CFAP299: variants seen among roughly 807,000 people sequenced by gnomAD.
CFAP299 encodes the protein cilia- and flagella-associated protein 299.
Under a neutral mutation model 27.0 loss-of-function variants are expected in CFAP299, and 21 were observed. The ratio of observed to expected loss-of-function variants is 0.78; its 90% CI spans 0.55 to 1.12. The LOEUF is 1.12. Among genes scored for constraint, CFAP299 ranks in the 50% most tolerant of loss-of-function variants. CFAP299 has a pLI of 0.00. For synonymous variants in CFAP299, 104 were observed against 98.1 expected (o/e 1.06, Z -0.36); for missense variants, 310 against 276.6 (o/e 1.12, Z -0.86).
chr4:80,483,458 T>C (rs1374431678), intron 2 of CFAP299, among the ~76,000 whole-genome samples: 1 of 152,220 alleles, frequency 6.6e-6, no homozygotes, highest in Non-Finnish European at 1.5e-5. Flanking sequence ...CATTGGATTA[T>C]GATTAAAATA....
intron 4 of CFAP299, among the ~76,000 whole-genome samples, chr4:80,930,904 GAAAGCTA>G (rs1186195361): frequency 6.6e-6 from 1 of 152,034 alleles, no homozygotes; most frequent in Non-Finnish European, 1.5e-5. Flanking sequence ...ACTCCCTCCA[GAAAGCTA>G]TTATTCTGTC....
intron 3 of CFAP299, among the ~76,000 whole-genome samples, chr4:80,754,603 T>A (rs940582327): frequency 3.9e-5 from 6 of 152,032 alleles, no homozygotes; most frequent in African/African-American, 1.4e-4. Context: ...GATCTGCACA[T>A]TTTTGGAGGC....
chr4:80,779,750 C>T (rs538828987), intron 3 of CFAP299, among the ~76,000 whole-genome samples: 1 of 152,076 alleles, frequency 6.6e-6, no homozygotes, highest in Non-Finnish European at 1.5e-5. Context: ...TTACCACCCC[C>T]CTAATTGGCA....
chr4:80,360,663 A>G (rs1221962794), intron 1 of CFAP299, among the ~76,000 whole-genome samples: 1 of 152,242 alleles, frequency 6.6e-6, no homozygotes, highest in Non-Finnish European at 1.5e-5. Context: ...GTGGCCAGCC[A>G]CTAGCCTTCT....
At chr4:80,684,497 C>A (rs1720056233) in intron 3 of CFAP299, among the ~76,000 whole-genome samples, 1 of 152,118 alleles carries the variant, frequency 6.6e-6, no homozygotes, top group Non-Finnish European at 1.5e-5. Context: ...GATCTCCTGA[C>A]CTCGTGATCC....
At chr4:80,855,672 T>C (rs954100009) in intron 3 of CFAP299, among the ~76,000 whole-genome samples, 5 of 152,204 alleles carry the variant, frequency 3.3e-5, no homozygotes, top group African/African-American at 9.6e-5. Flanking sequence ...TTTTTTGTTC[T>C]TGCGATAGTT....
intron 3 of CFAP299, among the ~76,000 whole-genome samples, chr4:80,647,249 T>C (rs1157420269): frequency 6.6e-6 from 1 of 152,112 alleles, no homozygotes; most frequent in African/African-American, 2.4e-5. Flanking sequence ...AAATATTTAT[T>C]AAATTAATTA....
chr4:80,924,155 AG>A (rs1473781419), intron 4 of CFAP299, among the ~76,000 whole-genome samples: 1 of 151,968 alleles, frequency 6.6e-6, no homozygotes, highest in Non-Finnish European at 1.5e-5. Flanking sequence ...AGGAGAAGAA[AG>A]GGGTGGGTGA....
intron 3 of CFAP299, among the ~76,000 whole-genome samples, chr4:80,691,694 G>A (rs1325245601): frequency 6.6e-6 from 1 of 151,190 alleles, no homozygotes; most frequent in Non-Finnish European, 1.5e-5. Flanking sequence ...TTCTGGCCAG[G>A]GCAATCAGGC....
intron 3 of CFAP299, among the ~76,000 whole-genome samples, chr4:80,793,535 G>T (rs530914014): frequency 1.3e-5 from 2 of 152,080 alleles, no homozygotes; most frequent in African/African-American, 4.8e-5. Context: ...TTGTCAATTT[G>T]CCCCATACAC....
chr4:80,792,019 ATG>A (rs143098006), intron 3 of CFAP299, among the ~76,000 whole-genome samples: 3,036 of 152,104 alleles, frequency 0.02, 74 homozygotes, highest in South Asian at 0.06. Flanking sequence ...GAATAATTCA[ATG>A]TTATAATAAA....
chr4:80,663,722 C>T (rs1380104011), intron 3 of CFAP299, among the ~76,000 whole-genome samples: 2 of 152,170 alleles, frequency 1.3e-5, no homozygotes, highest in East Asian at 3.9e-4. Context: ...CTGTCTTCCA[C>T]AATGGTTGAA....
chr4:80,418,497 C>T (rs1032961552), intron 2 of CFAP299, among the ~76,000 whole-genome samples: 1 of 152,092 alleles, frequency 6.6e-6, no homozygotes, highest in African/African-American at 2.4e-5. Flanking sequence ...GTGATGAGAA[C>T]GTTAGAAATG....
At chr4:80,556,703 A>G (rs1229465319) in intron 2 of CFAP299, among the ~76,000 whole-genome samples, 1 of 152,018 alleles carries the variant, frequency 6.6e-6, no homozygotes, top group African/African-American at 2.4e-5. Context: ...GTCAGATTTC[A>G]AAGGTTTAAG....
chr4:80,740,215 T>C (rs995922362), intron 3 of CFAP299, among the ~76,000 whole-genome samples: 14 of 152,216 alleles, frequency 9.2e-5, no homozygotes, highest in Non-Finnish European at 2.9e-5. Flanking sequence ...TTGACACTTG[T>C]AAATGTTTGT....
chr4:80,584,450 G>C (rs985291339), intron 3 of CFAP299, among the ~76,000 whole-genome samples: 1 of 151,922 alleles, frequency 6.6e-6, no homozygotes, highest in Non-Finnish European at 1.5e-5. Flanking sequence ...GAAAATACTA[G>C]TTAAAAATTA....
intron 4 of CFAP299, among the ~76,000 whole-genome samples, chr4:80,931,650 T>C (rs145706512): frequency 3.2e-4 from 48 of 152,176 alleles, no homozygotes; most frequent in Middle Eastern, 6.8e-3. Context: ...CCAAAAAGAC[T>C]GCACAGGGAG....
chr4:80,803,934 G>T (rs980224943), intron 3 of CFAP299, among the ~76,000 whole-genome samples: 8 of 151,926 alleles, frequency 5.3e-5, no homozygotes, highest in African/African-American at 9.7e-5. Flanking sequence ...ATACCTTAAG[G>T]TTCTGGGGGA....
At chr4:80,589,821 A>G (rs138122712) in intron 3 of CFAP299, among the ~76,000 whole-genome samples, 2 of 152,234 alleles carry the variant, frequency 1.3e-5, no homozygotes, top group South Asian at 4.1e-4. Flanking sequence ...ATGTGAAGTA[A>G]GAAACCATGT....
Sources: gnomAD v4.1 joint callset for allele counts (sites outside exome capture counted in the v4.1 genomes callset) on GRCh38, gnomAD v4.1.1 for gene constraint, MANE v1.5 for transcripts, NCBI Gene and HGNC (gene_info 2026-07-23, HGNC 2026-07-21) for gene names.